Variants in MAST2 observed in about 807,000 individuals in gnomAD.
MAST2 encodes the protein microtubule-associated serine/threonine-protein kinase 2.
A neutral mutation model predicts 147.4 loss-of-function variants in MAST2; 70 were observed. The observed-to-expected ratio is 0.47, with a 90% CI of 0.39 to 0.58. MAST2 has a LOEUF of 0.58. Ranked by LOEUF, MAST2 falls within the 20% of genes least tolerant of loss-of-function variation. MAST2 has a pLI of 0.00. For synonymous variants in MAST2, 869 were observed against 896.8 expected, an observed-to-expected ratio of 0.97 and a Z score of 0.55; for missense variants, 2,080 against 2,302.3, an observed-to-expected ratio of 0.90 and a Z score of 1.98.
At chr1:45,919,617 C>T (rs1653122334) in intron 4 of MAST2, among the ~76,000 whole-genome samples, 1 of 152,144 alleles carries the variant, frequency 6.6e-6, no homozygotes, top group African/African-American at 2.4e-5. Context: ...CTGAAGGCAC[C>T]TCTTCTAGAC....
At chr1:46,014,754 TAGAC>T (rs1200836834) in intron 10 of MAST2, among the ~76,000 whole-genome samples, 2 of 152,050 alleles carry the variant, frequency 1.3e-5, no homozygotes, top group Non-Finnish European at 2.9e-5. Context: ...CTGTCAACAT[TAGAC>T]AGATCAGCGT....
chr1:45,913,491 T>G (rs1651985719), intron 4 of MAST2: 1 of 689,296 alleles, frequency 1.5e-6, no homozygotes. Flanking sequence ...GGAGGGAGTT[T>G]GGTGCTTGTC....
intron 2 of MAST2, 92 bp from the exon 3 acceptor site, chr1:45,829,347 G>A (rs1644884045): frequency 8.7e-7 from 1 of 1,146,600 alleles, no homozygotes; most frequent in Non-Finnish European, 1.2e-6. Flanking sequence ...TATCAGTATG[G>A]TTTTATCCAC....
At chr1:45,997,274 T>C (rs906266455) in intron 5 of MAST2, among the ~76,000 whole-genome samples, 3 of 152,176 alleles carry the variant, frequency 2.0e-5, no homozygotes, top group East Asian at 1.9e-4. Context: ...AAAACACACA[T>C]GTTCCTGGTT....
Position 46,034,653 on chromosome 1 carries a change from C to A in MAST2, c.3984C>A (p.Arg1328=), listed in dbSNP as rs369296722. Reference sequence around the variant, plus strand: ...ACGGTCTGGCACCCAAGCTCCAACGCCAGTACCGCTCTCCACGGCGCAAGT... The same window carrying A: ...ACGGTCTGGCACCCAAGCTCCAACGACAGTACCGCTCTCCACGGCGCAAGT... ...SLHGLAPKLQ[R]QYRSPRRKSA... Residue 1328 remains arginine (R), a synonymous_variant, in exon 29 of 29, where the codon CGC becomes CGA. Coordinates refer to ENST00000361297, the MANE Select transcript of MAST2 (RefSeq NM_015112.3). The A allele has an allele frequency of 3.7e-6, 6 of 1,614,150 alleles. No individual in the cohort carries two copies. The highest frequency in any genetic ancestry group is 5.1e-6 in the Non-Finnish European group (6 of 1,180,020).
intron 10 of MAST2, among the ~76,000 whole-genome samples, chr1:46,011,433 CCTCG>C (rs1468733383): frequency 6.6e-6 from 1 of 152,162 alleles, no homozygotes; most frequent in Admixed American, 6.5e-5. Flanking sequence ...GAGACCTGGT[CCTCG>C]CTGGTGTGAA....
chr1:45,880,404 GGTTT>G (rs998254339), intron 3 of MAST2, among the ~76,000 whole-genome samples: 13 of 152,146 alleles, frequency 8.5e-5, no homozygotes, highest in African/African-American at 1.7e-4. Context: ...GGAAGATAGT[GGTTT>G]GTTTGGGGAT....
intron 4 of MAST2, among the ~76,000 whole-genome samples, chr1:45,896,404 T>C (rs898316798): frequency 6.6e-6 from 1 of 151,992 alleles, no homozygotes; most frequent in African/African-American, 2.4e-5. Flanking sequence ...ATTCATAGGG[T>C]GAGTTACTAG....
intron 4 of MAST2, chr1:45,913,584 G>C (rs1263077372): frequency 1.0e-6 from 1 of 992,694 alleles, no homozygotes; most frequent in Non-Finnish European, 1.2e-6. Flanking sequence ...TCAGAGGACA[G>C]CTGATTCATT....
chr1:45,974,763 C>T (rs946172071), intron 5 of MAST2, among the ~76,000 whole-genome samples: 7 of 152,262 alleles, frequency 4.6e-5, no homozygotes, highest in African/African-American at 1.7e-4. Flanking sequence ...AGTGATCATA[C>T]ACATAAAGTG....
chr1:46,031,318 C>G lies in MAST2; in HGVS notation c.2992+28C>G, dbSNP rs1444480266. The G allele has an allele frequency of 1.3e-6, 2 of 1,549,322 alleles. No individual in the cohort carries two copies. Among genetic ancestry groups the G allele is most frequent in the Non-Finnish European group, 8.7e-7 (1 of 1,144,214 alleles). On this transcript the variant is annotated intron_variant, in intron 23 of 28. Coordinates refer to ENST00000361297, the MANE Select transcript of MAST2 (RefSeq NM_015112.3). This position sits in a 1 kb window ranked among gnomAD's most constrained non-coding sequence, Gnocchi z 4.1. ...ATGGCCCAGTGGGCGGCCAAACGAC[C>G]TAAGCTGGAGGATACTGCAGGGCAG...
intron 10 of MAST2, among the ~76,000 whole-genome samples, chr1:46,017,217 A>C: frequency 6.6e-6 from 1 of 152,226 alleles, no homozygotes; most frequent in Non-Finnish European, 1.5e-5. Context: ...AAAACCATAA[A>C]AACCCTAGAA....
intron 5 of MAST2, among the ~76,000 whole-genome samples, chr1:45,992,900 T>A (rs1314776974): frequency 2.0e-5 from 3 of 152,118 alleles, no homozygotes; most frequent in Non-Finnish European, 2.9e-5. Flanking sequence ...TTTATTCCAT[T>A]TATGTCCTTT....
chr1:45,960,874 T>G (rs1387004011), intron 5 of MAST2, among the ~76,000 whole-genome samples: 1 of 152,172 alleles, frequency 6.6e-6, no homozygotes, highest in African/African-American at 2.4e-5. Flanking sequence ...AGCAGTGAAA[T>G]GGGTCAGCAT....
At chr1:45,917,418 A>G (rs1273030445) in intron 4 of MAST2, 5 of 1,366,522 alleles carry the variant, frequency 3.7e-6, no homozygotes, top group South Asian at 1.1e-5. Context: ...CTTCCTCACT[A>G]AAGTCCCATT....
intron 4 of MAST2, among the ~76,000 whole-genome samples, chr1:45,953,978 A>G (rs1659303183): frequency 6.6e-6 from 1 of 152,108 alleles, no homozygotes; most frequent in African/African-American, 2.4e-5. Context: ...CTTGGTTGTT[A>G]CTCTGAAATA....
intron 5 of MAST2, among the ~76,000 whole-genome samples, chr1:45,994,024 T>C (rs1644951930): frequency 6.6e-6 from 1 of 152,136 alleles, no homozygotes; most frequent in Non-Finnish European, 1.5e-5. Flanking sequence ...AACACAAAGC[T>C]TCCAGTGCCT....
chr1:45,970,575 G>A (rs1291853106), intron 5 of MAST2, among the ~76,000 whole-genome samples: 2 of 151,018 alleles, frequency 1.3e-5, no homozygotes, highest in Admixed American at 6.6e-5. Flanking sequence ...GGCTGAGGCG[G>A]GAGAACGGCT....
intron 5 of MAST2, among the ~76,000 whole-genome samples, chr1:45,977,783 G>C (rs1355082674): frequency 2.3e-5 from 3 of 131,812 alleles, no homozygotes; most frequent in Admixed American, 1.6e-4. Context: ...CTGAGTGACA[G>C]AGCAAGACTC....
Sources: gnomAD v4.1 joint callset for allele counts (sites outside exome capture counted in the v4.1 genomes callset) on GRCh38, gnomAD v4.1.1 for gene constraint, Gnocchi (gnomAD v3.1) non-coding constraint, MANE v1.5 for transcripts, NCBI Gene and HGNC (gene_info 2026-07-23, HGNC 2026-07-21) for gene names.